The following ANO2 variants were observed in gnomAD, a reference collection of about 807,000 sequenced individuals.
ANO2 encodes anoctamin-2.
ANO2 carries 101 observed loss-of-function variants against 124.2 expected under a neutral mutation model. The observed-to-expected ratio is 0.81, with a 90% confidence interval of 0.69 to 0.96. The LOEUF is 0.96. Ranked by LOEUF, ANO2 falls within the 40% of genes least tolerant of loss-of-function variation. The pLI is 0.00. For synonymous variants in ANO2, 486 were observed against 482.5 expected, an observed-to-expected ratio of 1.01 and a Z score of -0.09; for missense variants, 1,293 against 1,274.5, an observed-to-expected ratio of 1.01 and a Z score of -0.22.
intron 14 of ANO2, among the ~76,000 whole-genome samples, chr12:5,695,144 G>T (rs1949114817): frequency 6.6e-6 from 1 of 152,088 alleles, no homozygotes; most frequent in Non-Finnish European, 1.5e-5. Context: ...AGAAGAAAAA[G>T]GAAATGGTCC....
At chr12:5,866,477 G>A (rs1955430886) in intron 3 of ANO2, among the ~76,000 whole-genome samples, 1 of 152,190 alleles carries the variant, frequency 6.6e-6, no homozygotes, top group Non-Finnish European at 1.5e-5. Flanking sequence ...CTGCCAATAT[G>A]AACAAGCATT....
At chr12:5,729,537 A>T in intron 14 of ANO2, among the ~76,000 whole-genome samples, 1 of 152,204 alleles carries the variant, frequency 6.6e-6, no homozygotes, top group Non-Finnish European at 1.5e-5. Context: ...GAGATGCTGG[A>T]AACCTCCTAA....
intron 14 of ANO2, among the ~76,000 whole-genome samples, chr12:5,661,025 C>T (rs1720403672): frequency 6.6e-6 from 1 of 152,216 alleles, no homozygotes; most frequent in South Asian, 2.1e-4. Flanking sequence ...ATTGCGTGGC[C>T]CACAGACCTG....
In ANO2 at chr12:5,593,925, C is replaced by T. The variant is rs1943530661; in HGVS notation, c.2233+5559G>A. Reference sequence around the variant, plus strand: ...ACTTTAATGAGGGTTATTCTGCAGCCCAGTCTTTGTACTTGAGAAAAAGTA... The same window carrying T: ...ACTTTAATGAGGGTTATTCTGCAGCTCAGTCTTTGTACTTGAGAAAAAGTA... On this transcript the variant is annotated intron_variant, in intron 20 of 24. Coordinates refer to ENST00000682330, the MANE Select transcript of ANO2 (RefSeq NM_001364791.2). 2.0e-5 allele frequency among the ~76,000 whole-genome samples: 3 copies of T among 152,002 alleles called. No homozygotes were observed. In the South Asian group the frequency reaches 6.2e-4, roughly 32 times the overall value.
At chr12:5,639,440 T>C (rs1946218095) in intron 15 of ANO2, among the ~76,000 whole-genome samples, 1 of 152,044 alleles carries the variant, frequency 6.6e-6, no homozygotes, top group South Asian at 2.1e-4. Flanking sequence ...GATCTTCTAG[T>C]GGGAAAACAT....
At chr12:5,595,288 A>G (rs1943603726) in intron 20 of ANO2, among the ~76,000 whole-genome samples, 1 of 151,646 alleles carries the variant, frequency 6.6e-6, no homozygotes, top group East Asian at 1.9e-4. Flanking sequence ...GCAGCCTCAG[A>G]CTCCTGGGCT....
At chr12:5,727,852 G>C (rs903950998) in intron 14 of ANO2, among the ~76,000 whole-genome samples, 1 of 150,252 alleles carries the variant, frequency 6.7e-6, no homozygotes, top group African/African-American at 2.5e-5. Flanking sequence ...TGTCCCCCAG[G>C]CTGGAGTGCA....
Position 5,578,435 on chromosome 12 carries a change from C to T in ANO2, c.2317G>A (p.Val773Met), listed in dbSNP as rs558854484. ...ACAAACTTCTTTGCATCGAGCCGCA[C>T]TTCAATGACGTTGTTGAGGAGGGCA... ...VFALLNNVIEVRLDAKKFVTE... is the reference protein window; with the variant it reads ...VFALLNNVIEMRLDAKKFVTE... The change falls in exon 21 of 25, where the codon GTG becomes ATG. Residue 773 changes from valine (V) to methionine (M), a missense_variant. Transcript: ENST00000682330. The T allele has an allele frequency of 2.4e-5, 38 of 1,613,998 alleles. No individual in the cohort carries two copies. Among genetic ancestry groups the T allele is most frequent in the South Asian group, 1.8e-4 (16 of 91,080 alleles).
At chr12:5,684,852 A>G (rs399630) in intron 14 of ANO2, among the ~76,000 whole-genome samples, 21,053 of 152,198 alleles carry the variant, frequency 0.14, 1,566 homozygotes, top group East Asian at 0.22. Context: ...GGTTCACAGC[A>G]CAGGTGCTGG....
intron 1 of ANO2, among the ~76,000 whole-genome samples, chr12:5,923,174 GCA>G (rs1162670995): frequency 7.9e-4 from 7 of 8,910 alleles, no homozygotes; most frequent in Admixed American, 1.7e-3. Flanking sequence ...ACACACACAC[GCA>G]CACACACATA....
chr12:5,680,204 G>T (rs1469252937), intron 14 of ANO2, among the ~76,000 whole-genome samples: 1 of 152,186 alleles, frequency 6.6e-6, no homozygotes, highest in Non-Finnish European at 1.5e-5. Context: ...ATTCCTAGCT[G>T]ATGGGATGAT....
At chr12:5,681,746 T>C (rs1256089488) in intron 14 of ANO2, among the ~76,000 whole-genome samples, 2 of 152,210 alleles carry the variant, frequency 1.3e-5, no homozygotes, top group Non-Finnish European at 2.9e-5. Context: ...CATAGACCCC[T>C]GTGGTTGTTT....
At chr12:5,734,615 G>A (rs1354885849) in intron 13 of ANO2, among the ~76,000 whole-genome samples, 2 of 151,938 alleles carry the variant, frequency 1.3e-5, no homozygotes, top group Non-Finnish European at 2.9e-5. Flanking sequence ...CCCATGCTGG[G>A]CCCCAGTTCA....
At chr12:5,946,013 A>T (rs970667779), upstream of ANO2, 12 of 975,958 alleles carry the variant, frequency 1.2e-5, no homozygotes, top group Non-Finnish European at 1.6e-5. This position sits in a 1 kb window ranked among gnomAD's most constrained non-coding sequence, Gnocchi z 4.1. Flanking sequence ...GGGAGGGAAG[A>T]CCTCCAAAGG....
intron 16 of ANO2, among the ~76,000 whole-genome samples, chr12:5,633,705 C>T (rs1289496621): frequency 6.6e-6 from 1 of 152,166 alleles, no homozygotes; most frequent in Non-Finnish European, 1.5e-5. Flanking sequence ...CCTGCGTACA[C>T]TTCATGCTTT....
At chr12:5,777,823 C>T (rs1952274382) in intron 10 of ANO2, among the ~76,000 whole-genome samples, 1 of 152,120 alleles carries the variant, frequency 6.6e-6, no homozygotes, top group African/African-American at 2.4e-5. Flanking sequence ...GCCAGAAAAG[C>T]GACTGCAAGG....
chr12:5,820,824 A>G (rs746887691), intron 7 of ANO2, among the ~76,000 whole-genome samples: 20 of 152,364 alleles, frequency 1.3e-4, no homozygotes, highest in Non-Finnish European at 2.6e-4. Flanking sequence ...GGTAACTTCA[A>G]TTGCAGCTTC....
intron 14 of ANO2, among the ~76,000 whole-genome samples, chr12:5,729,686 G>C (rs531483640): frequency 8.2e-6 from 1 of 121,242 alleles, no homozygotes; most frequent in Non-Finnish European, 1.7e-5. Context: ...GAAAGCATAC[G>C]GCAAAAAAAA....
chr12:5,855,638 G>A (rs1013362432), intron 3 of ANO2, among the ~76,000 whole-genome samples: 14 of 152,276 alleles, frequency 9.2e-5, no homozygotes, highest in African/African-American at 1.9e-4. Flanking sequence ...TGTATTATGC[G>A]CCAGAACTGA....
Sources: gnomAD v4.1 joint callset for allele counts (sites outside exome capture counted in the v4.1 genomes callset) on GRCh38, gnomAD v4.1.1 for gene constraint, Gnocchi (gnomAD v3.1) non-coding constraint, MANE v1.5 for transcripts, NCBI Gene and HGNC (gene_info 2026-07-23, HGNC 2026-07-21) for gene names.